The following RP1 variants were observed in gnomAD, a reference collection of about 807,000 sequenced individuals.
RP1 encodes oxygen-regulated protein 1.
RP1 carries 16 observed loss-of-function variants against 14.8 expected under a neutral mutation model. The observed-to-expected ratio is 1.08, with a 90% CI of 0.73 to 1.65. The LOEUF is 1.65. Ranked by LOEUF, RP1 falls within the 40% of genes most tolerant of loss-of-function variation. RP1 has a pLI of 0.00. For missense variants in RP1, 2,631 were observed against 2,535.0 expected (o/e 1.04, Z -0.81); for synonymous variants, 876 against 883.6 (o/e 0.99, Z 0.15).
intron 1 of RP1, among the ~76,000 whole-genome samples, chr8:54,588,404 G>C (rs1462981248): frequency 6.6e-6 from 1 of 152,154 alleles, no homozygotes; most frequent in African/African-American, 2.4e-5. Context: ...GTTCAGAGAG[G>C]GACCCAAGGT....
intron 7 of RP1, among the ~76,000 whole-genome samples, chr8:54,669,221 T>C (rs1029233863): frequency 3.3e-5 from 5 of 152,028 alleles, no homozygotes; most frequent in African/African-American, 1.2e-4. Context: ...GCAAAGGATA[T>C]GAACAGACGC....
At chr8:54,604,973 T>A (rs1386705229) in intron 1 of RP1, among the ~76,000 whole-genome samples, 2 of 152,188 alleles carry the variant, frequency 1.3e-5, no homozygotes, top group Non-Finnish European at 2.9e-5. Flanking sequence ...ATTTTGTTGA[T>A]CTTTTCAAAA....
chr8:54,724,958 T>C (rs1347512933), intron 16 of RP1, among the ~76,000 whole-genome samples: 1 of 152,228 alleles, frequency 6.6e-6, no homozygotes, highest in Non-Finnish European at 1.5e-5. Context: ...TTGTTTCTAA[T>C]GGACTGGCAC....
intron 1 of RP1, among the ~76,000 whole-genome samples, chr8:54,598,242 T>A (rs1474214355): frequency 6.6e-6 from 1 of 152,200 alleles, no homozygotes; most frequent in African/African-American, 2.4e-5. Flanking sequence ...TGTGGAATAC[T>A]TTAACATATT....
At chr8:54,844,898 G>A (rs1185547736) in intron 25 of RP1, among the ~76,000 whole-genome samples, 24 of 152,126 alleles carry the variant, frequency 1.6e-4, no homozygotes, top group Non-Finnish European at 8.8e-5. Context: ...AAGGAGATGA[G>A]GAGGCATTCT....
At chr8:54,824,117 A>C (rs1171947341) in intron 24 of RP1, among the ~76,000 whole-genome samples, 4 of 144,422 alleles carry the variant, frequency 2.8e-5, no homozygotes, top group African/African-American at 1.0e-4. Context: ...CCATTTTCTA[A>C]TTGGATTGTT....
intron 12 of RP1, chr8:54,697,224 C>G (rs570774333): frequency 3.1e-5 from 20 of 644,316 alleles, no homozygotes; most frequent in African/African-American, 5.5e-5. Context: ...TTATTTCCTG[C>G]GTTATCTTCA....
At chr8:54,759,843 G>T (rs1809596290) in intron 22 of RP1, among the ~76,000 whole-genome samples, 1 of 152,126 alleles carries the variant, frequency 6.6e-6, no homozygotes, top group Non-Finnish European at 1.5e-5. Context: ...AACCCAATCT[G>T]TTGTGGGCAT....
chr8:54,572,647 T>C (rs1272247543), intron 1 of RP1, among the ~76,000 whole-genome samples: 4 of 152,158 alleles, frequency 2.6e-5, no homozygotes, highest in Non-Finnish European at 4.4e-5. Flanking sequence ...TTCATTATCA[T>C]TGTAGATATG....
chr8:54,769,171 G>A (rs1360133957), intron 22 of RP1, among the ~76,000 whole-genome samples: 2 of 152,146 alleles, frequency 1.3e-5, no homozygotes, highest in Non-Finnish European at 2.9e-5. Context: ...TGGGATTACA[G>A]GCATGAGCCA....
chr8:54,868,184 C>G (rs1444252684), intron 28 of RP1, among the ~76,000 whole-genome samples: 1 of 152,084 alleles, frequency 6.6e-6, no homozygotes, highest in Admixed American at 6.6e-5. Flanking sequence ...ACTGGCAATG[C>G]AGAGGAGTAG....
At chr8:54,657,850 A>T in intron 6 of RP1, among the ~76,000 whole-genome samples, 1 of 152,254 alleles carries the variant, frequency 6.6e-6, no homozygotes, top group East Asian at 1.9e-4. Context: ...GGTTCCTAAC[A>T]AAACACCAAA....
chr8:54,762,530 C>T (rs75769538), intron 22 of RP1, among the ~76,000 whole-genome samples: 4,383 of 152,228 alleles, frequency 0.029, 123 homozygotes, highest in African/African-American at 0.064. Flanking sequence ...GAATTTCTAC[C>T]ATTTACACTG....
At chr8:54,649,053 A>T (rs1806604704) in exon 4 of RP1, 1 of 1,532,344 alleles carries the variant, frequency 6.5e-7, no homozygotes, top group African/African-American at 1.4e-5. Flanking sequence ...ACAGATTTAT[A>T]TTATTCTGTA....
intron 24 of RP1, among the ~76,000 whole-genome samples, chr8:54,797,905 C>T (rs1376656053): frequency 1.6e-5 from 2 of 127,874 alleles, no homozygotes; most frequent in African/African-American, 6.0e-5. Flanking sequence ...AACCATAAGC[C>T]TATGGTTTTT....
intron 21 of RP1, chr8:54,758,904 C>G: frequency 6.6e-7 from 1 of 1,515,668 alleles, no homozygotes; most frequent in African/African-American, 1.4e-5. Flanking sequence ...GGGTTTTTTT[C>G]TCTGTCTCCT....
At chr8:54,752,217 T>G (rs914624357) in intron 19 of RP1, among the ~76,000 whole-genome samples, 5 of 152,234 alleles carry the variant, frequency 3.3e-5, no homozygotes, top group South Asian at 2.1e-4. Context: ...TCCAATCTTC[T>G]GAAGTCCAAA....
intron 25 of RP1, among the ~76,000 whole-genome samples, chr8:54,839,260 A>G (rs539360971): frequency 2.6e-4 from 40 of 152,280 alleles, no homozygotes; most frequent in Admixed American, 1.3e-4. Context: ...ACACATTTTC[A>G]TCTTCAGTCC....
intron 24 of RP1, among the ~76,000 whole-genome samples, chr8:54,829,183 T>G (rs1204577009): frequency 1.3e-5 from 2 of 152,142 alleles, no homozygotes; most frequent in African/African-American, 4.8e-5. Flanking sequence ...GACCCAAATG[T>G]TGTTATGCAG....
Sources: allele counts gnomAD v4.1 joint callset (sites outside exome capture counted in the v4.1 genomes callset), GRCh38; gene constraint gnomAD v4.1.1; transcripts MANE v1.5; gene names NCBI Gene and HGNC (gene_info 2026-07-23, HGNC 2026-07-21).